Variants in ADAM18 observed in about 807,000 individuals in gnomAD.
ADAM18 encodes the protein ADAM metallopeptidase domain 18, also known as disintegrin and metalloproteinase domain-containing protein 18.
ADAM18 carries 117 observed loss-of-function variants against 94.4 expected under a neutral mutation model. The ratio of observed to expected loss-of-function variants is 1.24; its 90% CI spans 1.07 to 1.45. The LOEUF (loss-of-function observed/expected upper bound fraction) is 1.45. Among genes scored for constraint, ADAM18 ranks in the 40% most tolerant of loss-of-function variants. ADAM18 has a pLI of 0.00. For synonymous variants in ADAM18, 327 were observed against 291.6 expected (o/e 1.12, Z -1.24); for missense variants, 936 against 880.0 (o/e 1.06, Z -0.81).
At chr8:39,614,803 T>G (rs890446298) in intron 6 of ADAM18, among the ~76,000 whole-genome samples, 4 of 152,164 alleles carry the variant, frequency 2.6e-5, no homozygotes, top group African/African-American at 9.7e-5. Context: ...ACACAGGGGT[T>G]GCTATTCTAA....
chr8:39,629,329 A>G, intron 6 of ADAM18, 45 bp from the exon 7 acceptor site: 2 of 1,413,926 alleles, frequency 1.4e-6, no homozygotes, highest in South Asian at 1.3e-5. Flanking sequence ...TCTTAAATTC[A>G]ATACATGTTA....
intron 12 of ADAM18, among the ~76,000 whole-genome samples, chr8:39,652,576 C>T (rs1327204869): frequency 1.3e-5 from 2 of 151,988 alleles, no homozygotes; most frequent in African/African-American, 2.4e-5. Context: ...GTAAAGGAAA[C>T]CTTTGCACAC....
chr8:39,613,282 G>C (rs1283822342), intron 6 of ADAM18, among the ~76,000 whole-genome samples: 1 of 152,164 alleles, frequency 6.6e-6, no homozygotes, highest in African/African-American at 2.4e-5. Flanking sequence ...AAGCACAGCA[G>C]GTACTTAACC....
chr8:39,602,763 T>C (rs572179956), intron 2 of ADAM18, among the ~76,000 whole-genome samples: 2 of 142,062 alleles, frequency 1.4e-5, no homozygotes, highest in African/African-American at 6.1e-5. Context: ...TTTTTCATTC[T>C]TTTAATAATG....
At chr8:39,587,133 A>G (rs976706574) in intron 2 of ADAM18, among the ~76,000 whole-genome samples, 3 of 152,230 alleles carry the variant, frequency 2.0e-5, no homozygotes, top group Non-Finnish European at 2.9e-5. Flanking sequence ...GAATATATGC[A>G]TACACCCATG....
chr8:39,682,467 C>T lies in ADAM18; in HGVS notation c.1821+2241C>T, dbSNP rs546572380. Reference sequence around the variant, plus strand: ...TCAAAGTCAAATATGTGCTACCTTTCCTGAAAAAGGAAGGAATACTTAGAG... The same window carrying T: ...TCAAAGTCAAATATGTGCTACCTTTTCTGAAAAAGGAAGGAATACTTAGAG... On this transcript the variant is annotated intron_variant, in intron 16 of 19. Coordinates refer to ENST00000265707, the MANE Select transcript of ADAM18 (RefSeq NM_014237.3). Among the ~76,000 whole-genome samples the T allele has an allele frequency of 1.1e-4, 17 of 152,152 alleles. No homozygotes were observed. The East Asian group carries it at 3.3e-3, about 29-fold the overall frequency.
intron 17 of ADAM18, 70 bp downstream of exon 17, chr8:39,692,750 G>A: frequency 1.6e-6 from 2 of 1,270,576 alleles, no homozygotes; most frequent in South Asian, 2.8e-5. Flanking sequence ...TGTTTATGAG[G>A]ATTGAGAGTC....
chr8:39,641,903 C>T (rs1820249769), intron 10 of ADAM18, among the ~76,000 whole-genome samples: 1 of 152,068 alleles, frequency 6.6e-6, no homozygotes, highest in Non-Finnish European at 1.5e-5. Context: ...CCTCTTTCTC[C>T]ACAACCTCTC....
chr8:39,708,901 C>T (rs7387367), intron 18 of ADAM18, among the ~76,000 whole-genome samples: 1 of 152,196 alleles, frequency 6.6e-6, no homozygotes, highest in Non-Finnish European at 1.5e-5. Context: ...GGGCCCTGCG[C>T]CCGCATCTGG....
chr8:39,682,636 T>TC lies in ADAM18; in HGVS notation c.1821+2418dup, dbSNP rs200198090. 7.1e-3 allele frequency among the ~76,000 whole-genome samples: 1,075 copies of TC among 152,024 alleles called. 18 individuals carry two copies. The highest frequency in any genetic ancestry group is 0.035 in the East Asian group (181 of 5,170). ...ACCAGTAATTTCTTTTTAGTTCTAA[T>TC]CCCCCCCCACACACACTTTGAATTA... is the stretch of plus-strand genomic sequence containing the variant. On this transcript the variant is annotated intron_variant, in intron 16 of 19. Transcript: ENST00000265707.
intron 11 of ADAM18, among the ~76,000 whole-genome samples, chr8:39,647,664 A>G (rs982783435): frequency 1.3e-5 from 2 of 152,228 alleles, no homozygotes; most frequent in Admixed American, 1.3e-4. Context: ...CCGGCTTTCC[A>G]GGGCAGAGGT....
At chr8:39,685,441 A>C (rs1357998708) in intron 16 of ADAM18, 1 of 152,306 alleles carries the variant, frequency 6.6e-6, no homozygotes, top group Non-Finnish European at 1.5e-5. Flanking sequence ...TGGGTGCATG[A>C]GGCTCCTCTT....
intron 6 of ADAM18, among the ~76,000 whole-genome samples, chr8:39,623,871 T>C (rs1337162891): frequency 1.3e-5 from 2 of 152,202 alleles, no homozygotes; most frequent in East Asian, 3.9e-4. Context: ...GCTGGGATTA[T>C]CATTATAGTT....
chr8:39,585,116 T>C (rs1818359731), intron 1 of ADAM18, among the ~76,000 whole-genome samples, 160 bp from the exon 2 acceptor site: 1 of 152,214 alleles, frequency 6.6e-6, no homozygotes. Context: ...CTGTTGATTA[T>C]GTAGTGAAAT....
intron 17 of ADAM18, among the ~76,000 whole-genome samples, chr8:39,700,663 A>G (rs1411676359): frequency 1.3e-5 from 2 of 152,108 alleles, no homozygotes; most frequent in African/African-American, 4.8e-5. Context: ...CAGATTATAG[A>G]GTGATTTGGG....
intron 18 of ADAM18, among the ~76,000 whole-genome samples, chr8:39,717,408 A>G (rs937875835): frequency 6.6e-6 from 1 of 151,816 alleles, no homozygotes; most frequent in Non-Finnish European, 1.5e-5. Flanking sequence ...CTCTATATTT[A>G]TCTTTGCCAA....
chr8:39,600,653 G>A (rs930171725), intron 2 of ADAM18, among the ~76,000 whole-genome samples: 9 of 152,162 alleles, frequency 5.9e-5, no homozygotes, highest in East Asian at 1.9e-4. Context: ...ACTTGCTAAC[G>A]AGCCTTAATA....
At chr8:39,611,423 G>GA (rs113833733) in intron 6 of ADAM18, 688,175 of 838,660 alleles carry the variant, frequency 0.82, 272,390 homozygotes, top group African/African-American at 0.89. Context: ...TGTGAATCCT[G>GA]AAAAAAAAAA....
chr8:39,605,306 T>C (rs1228981072), intron 2 of ADAM18, among the ~76,000 whole-genome samples: 3 of 152,208 alleles, frequency 2.0e-5, no homozygotes, highest in African/African-American at 7.2e-5. Flanking sequence ...CTGAAGAATT[T>C]AATGGCATCA....
Sources: allele counts gnomAD v4.1 joint callset (sites outside exome capture counted in the v4.1 genomes callset), GRCh38; gene constraint gnomAD v4.1.1; transcripts MANE v1.5; gene names NCBI Gene and HGNC (gene_info 2026-07-23, HGNC 2026-07-21).